Variants in TMOD2 observed in about 807,000 individuals in gnomAD.
TMOD2 encodes the protein tropomodulin 2, also known as tropomodulin-2.
Under a neutral mutation model 39.9 loss-of-function variants are expected in TMOD2, and 22 were observed. That is an observed-to-expected ratio of 0.55 (90% CI 0.39 to 0.79). The LOEUF (loss-of-function observed/expected upper bound fraction) is 0.79. Among genes scored for constraint, TMOD2 ranks in the 30% least tolerant of loss-of-function variants. The probability of loss-of-function intolerance (pLI) is 0.00; values close to 1 mark genes in which losing one functional copy is unlikely to be tolerated. For synonymous variants in TMOD2, 123 were observed against 146.1 expected (o/e 0.84, Z 1.14); for missense variants, 386 against 413.3 (o/e 0.93, Z 0.57).
At chr15:51,759,742 A>C (rs2055767445) in intron 1 of TMOD2, among the ~76,000 whole-genome samples, 1 of 152,226 alleles carries the variant, frequency 6.6e-6, no homozygotes, top group Non-Finnish European at 1.5e-5. Flanking sequence ...CCAGCATCCC[A>C]ACAAGAAACG....
chr15:51,797,852 C>CT (rs1004043096), intron 7 of TMOD2, among the ~76,000 whole-genome samples: 6 of 141,254 alleles, frequency 4.2e-5, no homozygotes. Context: ...TCCTTTCTAC[C>CT]TTTTTTCTAA....
At chr15:51,801,439 A>G (rs1006681928) in intron 8 of TMOD2, among the ~76,000 whole-genome samples, 5 of 152,190 alleles carry the variant, frequency 3.3e-5, no homozygotes, top group Non-Finnish European at 7.3e-5. Context: ...TGTTAGAAGT[A>G]ACCTCAGTTT....
intron 8 of TMOD2, among the ~76,000 whole-genome samples, chr15:51,798,934 C>G (rs1215019480): frequency 6.6e-6 from 1 of 152,250 alleles, no homozygotes. Context: ...TGATCACAGT[C>G]TCATTGATCA....
rs919107904 is a variant in TMOD2, at chr15:51,805,748, A to G, written c.877-629A>G. On this transcript the variant is annotated intron_variant, in intron 8 of 9. Coordinates refer to ENST00000249700, the MANE Select transcript of TMOD2 (RefSeq NM_014548.4). ...ATGCCTGGGTCATAATATCTCATGT[A>G]CCCCATAAATATTATATACCTATGT... is the stretch of plus-strand genomic sequence containing the variant. Among the ~76,000 whole-genome samples the G allele has an allele frequency of 3.3e-5, 5 of 152,220 alleles. No homozygotes were observed. The East Asian group carries it at 7.7e-4, about 23-fold the overall frequency.
At chr15:51,776,324 G>T (rs756193779) in intron 4 of TMOD2, among the ~76,000 whole-genome samples, 1 of 152,186 alleles carries the variant, frequency 6.6e-6, no homozygotes, top group Non-Finnish European at 1.5e-5. Flanking sequence ...AGTCAGCCCC[G>T]CATTCATTCT....
At chr15:51,779,629 CA>C (rs1440402593) in intron 5 of TMOD2, among the ~76,000 whole-genome samples, 4 of 151,730 alleles carry the variant, frequency 2.6e-5, no homozygotes, top group Admixed American at 1.3e-4. Flanking sequence ...GTGATCTGCC[CA>C]CCTCGGCCTC....
At chr15:51,795,572 TGC>T (rs764946942) in intron 7 of TMOD2, among the ~76,000 whole-genome samples, 3,387 of 18,298 alleles carry the variant, frequency 0.19, 88 homozygotes, top group Admixed American at 0.24. Flanking sequence ...TCTGCTTGCT[TGC>T]TTGCTTTCTT....
In TMOD2 at chr15:51,808,948, A is replaced by G. The variant is rs2056138527; in HGVS notation, c.*494A>G. The G allele has an allele frequency of 6.5e-6, 1 of 152,846 alleles. No homozygotes were observed. 9.5% of individuals were successfully genotyped at this position (152,846 alleles called of 1,614,324 possible). ...TTTCACTGCATGTGAAAATGTGACC[A>G]ATTTAGCACAAATTCTCTCTTAGTT... On this transcript the variant is annotated 3_prime_UTR_variant, in exon 10 of 10. Transcript: ENST00000249700.
At chr15:51,758,234 G>C (rs1365940617) in intron 1 of TMOD2, among the ~76,000 whole-genome samples, 1 of 151,896 alleles carries the variant, frequency 6.6e-6, no homozygotes, top group Non-Finnish European at 1.5e-5. Context: ...AACAGCTACT[G>C]TTACATAGTA....
intron 4 of TMOD2, 89 bp downstream of exon 4, chr15:51,773,923 C>G (rs780232650): frequency 3.2e-5 from 45 of 1,423,304 alleles, no homozygotes; most frequent in Non-Finnish European, 4.3e-5. Flanking sequence ...TTGAGCTTCT[C>G]TTAGGTAGGA....
At chr15:51,758,046 C>T (rs2055754531) in intron 1 of TMOD2, among the ~76,000 whole-genome samples, 1 of 151,914 alleles carries the variant, frequency 6.6e-6, no homozygotes, top group South Asian at 2.1e-4. Context: ...CATCATTGCA[C>T]TCCAGCCTGG....
rs879525455 is a variant in TMOD2 at position 51,812,905 on chromosome 15, C to G, written c.*4451C>G. ...CTCTTATTGCTTTCATCTCAAATAT[C>G]CCTGCTACTCAACCAATCCTAAAGC... On this transcript the variant is annotated 3_prime_UTR_variant, in exon 10 of 10. Transcript: ENST00000249700. 7.9e-5 allele frequency: 12 copies of G among 152,164 alleles called. No homozygotes were observed. Among genetic ancestry groups the G allele is most frequent in the Non-Finnish European group, 1.6e-4 (11 of 68,056 alleles). 9.4% of individuals were successfully genotyped at this position (152,164 alleles called of 1,614,324 possible).
rs1007803505 is a variant in TMOD2 at position 51,813,833 on chromosome 15, G to A, written c.*5379G>A. On this transcript the variant is annotated 3_prime_UTR_variant, in exon 10 of 10. Coordinates refer to ENST00000249700, the MANE Select transcript of TMOD2 (RefSeq NM_014548.4). ...AAAAACACTATATAAACTGGAAAGCGCCGTACAAATGTGAGAGATCAGTTT... is the reference window on the plus strand; with the variant it reads ...AAAAACACTATATAAACTGGAAAGCACCGTACAAATGTGAGAGATCAGTTT... 6 of 152,174 alleles carry A rather than the reference G, an allele frequency of 3.9e-5. No individual in the cohort carries two copies. Among genetic ancestry groups the A allele is most frequent in the African/African-American group, 1.2e-4 (5 of 41,456 alleles). The allele number at this position is 152,174 out of a possible 1,614,324, so 9.4% of individuals were successfully genotyped here. A position where few individuals can be genotyped will look rare whatever the true frequency, so the allele number is the denominator to read the frequency against.
chr15:51,776,154 C>T (rs2055888052), intron 4 of TMOD2, among the ~76,000 whole-genome samples: 1 of 152,186 alleles, frequency 6.6e-6, no homozygotes, highest in Admixed American at 6.5e-5. Flanking sequence ...CTGCCTCCCT[C>T]CTTCAATATG....
At position 51,781,088 on chromosome 15, in the gene TMOD2, C is replaced by G; in HGVS notation, c.538C>G (p.Pro180Ala). 6.2e-7 allele frequency: 1 copy of G among 1,611,378 alleles called. No homozygotes were observed. The highest frequency in any genetic ancestry group is 8.5e-7 in the Non-Finnish European group (1 of 1,179,208). Residue 180 changes from proline (P) to alanine (A), a missense_variant, in exon 6 of 10, where the codon CCA becomes GCA. Transcript: ENST00000249700. Reference sequence around the variant, plus strand: ...AGTAAAGCCAGTATTTGAGGAACCACCAAATCCCACAAATGTGGAAATAAG... The same window carrying G: ...AGTAAAGCCAGTATTTGAGGAACCAGCAAATCCCACAAATGTGGAAATAAG... The part of the protein sequence containing the change: ...EKVKPVFEEP[P>A]NPTNVEISLQ...
intron 7 of TMOD2, among the ~76,000 whole-genome samples, chr15:51,787,169 G>T (rs1193939391): frequency 1.3e-5 from 2 of 152,234 alleles, no homozygotes; most frequent in Admixed American, 6.5e-5. Context: ...CGGACCAGGA[G>T]ATTCCCTCCT....
At chr15:51,787,043 G>T (rs1472163490) in intron 7 of TMOD2, among the ~76,000 whole-genome samples, 1 of 152,224 alleles carries the variant, frequency 6.6e-6, no homozygotes, top group Non-Finnish European at 1.5e-5. Flanking sequence ...CCCGGGAAGG[G>T]GTTGGGGTTG....
rs77545988 is a variant in TMOD2 at position 51,797,424 on chromosome 15, C to T, written c.733-773C>T. Among the ~76,000 whole-genome samples, 421 of 152,304 alleles carry T rather than the reference C, an allele frequency of 2.8e-3. 14 individuals carry two copies. In the East Asian group the frequency reaches 0.056, roughly 20 times the overall value. ...TTTAAGGAATTGCCCCAAATGGGAC[C>T]TATCTCTAGCAGCTCAGGCAACAAC... On this transcript the variant is annotated intron_variant, in intron 7 of 9. Coordinates refer to ENST00000249700, the MANE Select transcript of TMOD2 (RefSeq NM_014548.4).
chr15:51,793,814 C>T (rs971766247), intron 7 of TMOD2, among the ~76,000 whole-genome samples: 4 of 152,214 alleles, frequency 2.6e-5, no homozygotes, highest in Admixed American at 1.3e-4. Flanking sequence ...ATTGCTCTGA[C>T]ATTTTGTTAT....
Sources: gnomAD v4.1 joint callset for allele counts (sites outside exome capture counted in the v4.1 genomes callset) on GRCh38, gnomAD v4.1.1 for gene constraint, MANE v1.5 for transcripts, NCBI Gene and HGNC (gene_info 2026-07-23, HGNC 2026-07-21) for gene names.